Variants in GPHN observed in about 807,000 individuals in gnomAD.
GPHN encodes gephyrin.
A neutral mutation model predicts 95.5 loss-of-function variants in GPHN; 17 were observed. The ratio of observed to expected loss-of-function variants is 0.18; its 90% CI spans 0.12 to 0.27. GPHN has a LOEUF of 0.27. Among genes scored for constraint, GPHN ranks in the 10% least tolerant of loss-of-function variants. GPHN has a pLI of 1.00. For missense variants in GPHN, 660 were observed against 978.1 expected (o/e 0.67, Z 4.34); for synonymous variants, 320 against 322.5 (o/e 0.99, Z 0.08).
At chr14:67,611,660 G>C in the GPHN span, among the ~76,000 whole-genome samples, 1 of 152,098 alleles carries the variant, frequency 6.6e-6, no homozygotes, top group Non-Finnish European at 1.5e-5. Flanking sequence ...AAAAACAAAA[G>C]GCAAGCAGGT....
At chr14:67,225,329 AGTT>A in the GPHN span, 3 of 1,146,746 alleles carry the variant, frequency 2.6e-6, no homozygotes, top group East Asian at 3.0e-5. Flanking sequence ...CACACAAAAA[AGTT>A]GTTAATAAGT....
At chr14:67,506,842 G>A in the GPHN span, among the ~76,000 whole-genome samples, 2 of 152,238 alleles carry the variant, frequency 1.3e-5, no homozygotes, top group Admixed American at 6.5e-5. Context: ...AACTTAGCTG[G>A]GGGTGGTGGC....
the GPHN span, chr14:67,587,573 C>T: frequency 3.3e-6 from 1 of 302,476 alleles, no homozygotes; most frequent in Non-Finnish European, 6.3e-6. Flanking sequence ...CACTGGTACT[C>T]TCAAGGAAGC....
the GPHN span, among the ~76,000 whole-genome samples, chr14:67,267,659 A>G: frequency 6.6e-6 from 1 of 152,250 alleles, no homozygotes; most frequent in Admixed American, 6.5e-5. Flanking sequence ...TTTAAGTTTT[A>G]GTAAATTTAT....
chr14:67,504,529 C>T, the GPHN span, among the ~76,000 whole-genome samples: 1 of 151,980 alleles, frequency 6.6e-6, no homozygotes, highest in African/African-American at 2.4e-5. Context: ...AAATCATGGG[C>T]TTATTGTGAC....
At chr14:67,153,778 T>C (rs2081420464) in intron 18 of GPHN, among the ~76,000 whole-genome samples, 1 of 152,194 alleles carries the variant, frequency 6.6e-6, no homozygotes. Context: ...AAGAAGAGAC[T>C]TATTCCTTCA....
chr14:67,451,916 C>A, the GPHN span, among the ~76,000 whole-genome samples: 4 of 152,170 alleles, frequency 2.6e-5, no homozygotes, highest in African/African-American at 9.7e-5. Flanking sequence ...TCTTGTAGCT[C>A]CCATAATTCC....
intron 4 of GPHN, among the ~76,000 whole-genome samples, chr14:66,863,190 A>G (rs558860763): frequency 6.6e-6 from 1 of 151,534 alleles, no homozygotes; most frequent in South Asian, 2.1e-4. Flanking sequence ...ACAGTGAACA[A>G]TCTGAAAAAG....
At chr14:67,011,735 G>T (rs2073023333) in intron 9 of GPHN, among the ~76,000 whole-genome samples, 1 of 150,996 alleles carries the variant, frequency 6.6e-6, no homozygotes, top group South Asian at 2.1e-4. Flanking sequence ...TAACCTACTG[G>T]TTTATAGTAT....
At chr14:67,279,290 T>A in the GPHN span, 8 of 1,613,124 alleles carry the variant, frequency 5.0e-6, no homozygotes, top group African/African-American at 1.1e-4. Context: ...TTGACTGCCC[T>A]GGAGATTTGG....
chr14:67,227,987 T>C, the GPHN span, among the ~76,000 whole-genome samples: 2 of 152,050 alleles, frequency 1.3e-5, no homozygotes, highest in Middle Eastern at 3.2e-3. Flanking sequence ...CTGGCCAACA[T>C]GGTGAAACCT....
chr14:67,231,945 G>A, the GPHN span, among the ~76,000 whole-genome samples: 3 of 150,926 alleles, frequency 2.0e-5, no homozygotes, highest in Non-Finnish European at 4.4e-5. Context: ...CTCCAGCCTG[G>A]GTGACAGGGT....
At chr14:66,889,960 G>A (rs139311193) in intron 5 of GPHN, among the ~76,000 whole-genome samples, 183 of 152,156 alleles carry the variant, frequency 1.2e-3, no homozygotes, top group African/African-American at 4.1e-3. Flanking sequence ...AAATAAAAAG[G>A]ACTAGAAGAG....
At chr14:67,150,677 T>C (rs2081228240) in intron 18 of GPHN, among the ~76,000 whole-genome samples, 1 of 151,884 alleles carries the variant, frequency 6.6e-6, no homozygotes, top group South Asian at 2.1e-4. Context: ...ATGGCTGAGG[T>C]TTTTTTATTA....
At chr14:66,629,373 C>G (rs1480824784) in intron 1 of GPHN, among the ~76,000 whole-genome samples, 1 of 151,608 alleles carries the variant, frequency 6.6e-6, no homozygotes, top group Admixed American at 6.6e-5. Context: ...GGGTCAGGAT[C>G]ATCAGTATCA....
intron 12 of GPHN, among the ~76,000 whole-genome samples, chr14:67,095,562 A>T (rs1463191997): frequency 6.6e-6 from 1 of 152,204 alleles, no homozygotes; most frequent in African/African-American, 2.4e-5. Flanking sequence ...GGATTAAGAA[A>T]ATGTGGCACA....
intron 17 of GPHN, among the ~76,000 whole-genome samples, chr14:67,132,231 G>A (rs1354751231): frequency 6.6e-6 from 1 of 152,164 alleles, no homozygotes; most frequent in Non-Finnish European, 1.5e-5. Flanking sequence ...GATTATTTGG[G>A]CAAAGCCGAG....
chr14:66,816,442 TAACA>T (rs2060969593), intron 3 of GPHN, among the ~76,000 whole-genome samples: 4 of 152,114 alleles, frequency 2.6e-5, no homozygotes, highest in South Asian at 2.1e-4. Flanking sequence ...ACTGAAATCA[TAACA>T]AACAATCTCT....
the GPHN span, among the ~76,000 whole-genome samples, chr14:67,682,376 C>T: frequency 3.0e-4 from 46 of 152,260 alleles, 1 homozygote; most frequent in African/African-American, 1.1e-3. Context: ...AAGGAACTCG[C>T]ATCTAGACTA....
Sources: allele counts gnomAD v4.1 joint callset (sites outside exome capture counted in the v4.1 genomes callset), GRCh38; gene constraint gnomAD v4.1.1; transcripts MANE v1.5; gene names NCBI Gene and HGNC (gene_info 2026-07-23, HGNC 2026-07-21).